ANKRD27: variants seen among roughly 807,000 people sequenced by gnomAD.
ANKRD27 encodes ankyrin repeat domain-containing protein 27.
Under a neutral mutation model 129.7 loss-of-function variants are expected in ANKRD27, and 112 were observed. The ratio of observed to expected loss-of-function variants is 0.86; its 90% CI spans 0.74 to 1.01. The LOEUF (loss-of-function observed/expected upper bound fraction) is 1.01. ANKRD27 is among the 50% of genes least tolerant of loss of function. ANKRD27 has a pLI of 0.00. For missense variants in ANKRD27, 1,258 were observed against 1,300.5 expected (o/e 0.97, Z 0.50); for synonymous variants, 516 against 511.2 (o/e 1.01, Z -0.13).
chr19:32,644,212 G>A, intron 5 of ANKRD27, 113 bp downstream of exon 5: 1 of 1,230,114 alleles, frequency 8.1e-7, no homozygotes, highest in Non-Finnish European at 1.1e-6. Flanking sequence ...ATTTTTAAAA[G>A]ACTTCAAACA....
chr19:32,658,806 G>T lies in ANKRD27; in HGVS notation c.102+108C>A. Reference sequence around the variant, plus strand: ...TCACAGACCAAGCACACTGCTGGGAGCTTGTTAAGCTGAGTTTATAACAAA... The same window carrying T: ...TCACAGACCAAGCACACTGCTGGGATCTTGTTAAGCTGAGTTTATAACAAA... On this transcript the variant is annotated intron_variant, in intron 2 of 28. Coordinates refer to ENST00000306065, the MANE Select transcript of ANKRD27 (RefSeq NM_032139.3). 2 of 956,798 alleles carry T rather than the reference G, an allele frequency of 2.1e-6. 1 individual carries two copies. The highest frequency in any genetic ancestry group is 3.8e-5 in the Admixed American group (2 of 52,102). The allele number at this position is 956,798 out of a possible 1,614,324, so 59.3% of individuals were successfully genotyped here.
intron 1 of ANKRD27, among the ~76,000 whole-genome samples, chr19:32,670,769 T>C (rs1568423479): frequency 1.3e-5 from 2 of 150,924 alleles, no homozygotes; most frequent in African/African-American, 2.4e-5. Context: ...CGAGGCGGGC[T>C]GATCACTTGA....
At chr19:32,668,021 G>A (rs1465465030) in intron 1 of ANKRD27, among the ~76,000 whole-genome samples, 1 of 152,098 alleles carries the variant, frequency 6.6e-6, no homozygotes, top group Non-Finnish European at 1.5e-5. Context: ...TGCTTCCTTG[G>A]GAAAACACTA....
intron 28 of ANKRD27, 42 bp downstream of exon 28, chr19:32,599,662 G>A (rs1265445609): frequency 1.3e-6 from 2 of 1,570,268 alleles, no homozygotes; most frequent in South Asian, 1.1e-5. Flanking sequence ...ACAAAGCCGG[G>A]CTTTAGAAAA....
intron 26 of ANKRD27, among the ~76,000 whole-genome samples, chr19:32,601,367 C>T (rs760287346): frequency 9.3e-5 from 14 of 151,042 alleles, no homozygotes; most frequent in African/African-American, 3.4e-4. Flanking sequence ...GAGGCCAAGG[C>T]GGGCAGATCA....
At chr19:32,665,289 ATTTTT>A (rs11324719) in intron 1 of ANKRD27, among the ~76,000 whole-genome samples, 1 of 129,692 alleles carries the variant, frequency 7.7e-6, no homozygotes, top group African/African-American at 2.8e-5. Flanking sequence ...AAATTCATGA[ATTTTT>A]TTTTTTTTTT....
intron 1 of ANKRD27, among the ~76,000 whole-genome samples, chr19:32,661,238 CA>C (rs1967639935): frequency 4.8e-5 from 6 of 125,134 alleles, no homozygotes; most frequent in Non-Finnish European, 8.3e-5. Context: ...CACACACACA[CA>C]CACACACACA....
intron 23 of ANKRD27, among the ~76,000 whole-genome samples, chr19:32,606,297 C>T (rs1254086921): frequency 1.3e-5 from 2 of 151,888 alleles, no homozygotes; most frequent in Non-Finnish European, 2.9e-5. Flanking sequence ...GGACTACAGG[C>T]GCCTGCCACC....
intron 3 of ANKRD27, among the ~76,000 whole-genome samples, chr19:32,648,378 G>A (rs972036539): frequency 2.0e-5 from 3 of 152,228 alleles, no homozygotes; most frequent in Non-Finnish European, 4.4e-5. Context: ...ATATGTTGGA[G>A]GACATTCTAT....
rs775018819 is a variant in ANKRD27, at chr19:32,617,619, CAA to C, written c.2020_2021del (p.Leu674GlufsTer5). 2 of 754,818 alleles carry C rather than the reference CAA, an allele frequency of 2.6e-6. No homozygotes were observed. Among genetic ancestry groups the C allele is most frequent in the South Asian group, 2.9e-5 (2 of 68,886 alleles). 46.8% of individuals were successfully genotyped at this position (754,818 alleles called of 1,614,324 possible). A position where few individuals can be genotyped will look rare whatever the true frequency, so the allele number is the denominator to read the frequency against. On this transcript the variant is annotated frameshift_variant, in exon 21 of 29. Coordinates refer to ENST00000306065, the MANE Select transcript of ANKRD27 (RefSeq NM_032139.3). LOFTEE classifies it high-confidence loss of function. ...CTAGATCTCCATCAGCAACTGCTCT[CAA>C]AAGTTTTTCTACCTTAATAAAAGGA... is the stretch of plus-strand genomic sequence containing the variant. ...KKDYREVEKL[L>X]RAVADGDLEM...
chr19:32,635,590 CCA>C (rs1568408871), intron 12 of ANKRD27, among the ~76,000 whole-genome samples: 2 of 152,112 alleles, frequency 1.3e-5, no homozygotes. Flanking sequence ...TAGGCATGAG[CCA>C]CTGCACCCAG....
At chr19:32,636,741 T>A (rs1559178) in intron 12 of ANKRD27, among the ~76,000 whole-genome samples, 44,228 of 109,214 alleles carry the variant, frequency 0.4, 7,267 homozygotes, top group African/African-American at 0.47. Context: ...ATATATATAT[T>A]TTTTATATAT....
intron 4 of ANKRD27, 34 bp downstream of exon 4, chr19:32,646,425 A>G (rs1213368954): frequency 6.3e-7 from 1 of 1,581,976 alleles, no homozygotes; most frequent in Non-Finnish European, 8.6e-7. Flanking sequence ...CATTTTTCTA[A>G]AACAGGAGAA....
rs1966941504 is a variant in ANKRD27, at chr19:32,628,971, A to G, written c.1210-122T>C. 1.9e-5 allele frequency: 21 copies of G among 1,091,920 alleles called. 1 individual carries two copies. The South Asian group carries it at 2.9e-4, about 15-fold the overall frequency. The allele number at this position is 1,091,920 out of a possible 1,614,324, so 67.6% of individuals were successfully genotyped here. A position where few individuals can be genotyped will look rare whatever the true frequency, so the allele number is the denominator to read the frequency against. Reference sequence around the variant, plus strand: ...AGTCTCGTCCTGTCGCCCAGGCTGGAGTGCAATGGTGTGATCTCAGCTCAC... The same window carrying G: ...AGTCTCGTCCTGTCGCCCAGGCTGGGGTGCAATGGTGTGATCTCAGCTCAC... On this transcript the variant is annotated intron_variant, in intron 13 of 28. Transcript: ENST00000306065.
At chr19:32,599,553 C>G (rs1329200825) in intron 28 of ANKRD27, 151 bp downstream of exon 28, 7 of 668,382 alleles carry the variant, frequency 1.0e-5, no homozygotes, top group Admixed American at 2.9e-5. Context: ...CTACACTGTC[C>G]CATGAAATAA....
At chr19:32,647,690 C>A (rs186060830) in intron 3 of ANKRD27, among the ~76,000 whole-genome samples, 2 of 152,308 alleles carry the variant, frequency 1.3e-5, no homozygotes, top group Admixed American at 6.5e-5. Context: ...CTGCTCACCC[C>A]AGCTGTCAGT....
At position 32,621,566 on chromosome 19, in the gene ANKRD27, T is replaced by C. The variant is rs558666615; in HGVS notation, c.1827+856A>G. 6.6e-5 allele frequency among the ~76,000 whole-genome samples: 10 copies of C among 152,126 alleles called. No homozygotes were observed. The East Asian group carries it at 1.9e-3, about 30-fold the overall frequency. On this transcript the variant is annotated intron_variant, in intron 18 of 28. Coordinates refer to ENST00000306065, the MANE Select transcript of ANKRD27 (RefSeq NM_032139.3). ...TCACTTGAACCTAGGAAGTGGAGGT[T>C]GCAGTGAGCCAAGATTGTGCCACTG...
chr19:32,641,264 C>G (rs921626205), intron 10 of ANKRD27, among the ~76,000 whole-genome samples: 1 of 151,914 alleles, frequency 6.6e-6, no homozygotes, highest in Non-Finnish European at 1.5e-5. Flanking sequence ...CTTGCCACCC[C>G]CTTGGACGCT....
chr19:32,604,347 G>A lies in ANKRD27; in HGVS notation c.2571C>T (p.Phe857=), dbSNP rs747317563. The A allele has an allele frequency of 8.1e-6, 13 of 1,613,784 alleles. No homozygotes were observed. The highest frequency in any genetic ancestry group is 5.3e-5 in the African/African-American group (4 of 74,936). Reference sequence around the variant, plus strand: ...CGTGGAGCAGAAGCAGCTCTACCACGAAGACGTGCTTTTCAATCACAGCCT... The same window carrying A: ...CGTGGAGCAGAAGCAGCTCTACCACAAAGACGTGCTTTTCAATCACAGCCT... ...LHEAVIEKHV[F]VVELLLLHGA... Residue 857 remains phenylalanine, a synonymous_variant, in exon 25 of 29, where the codon TTC becomes TTT. Transcript: ENST00000306065.
Sources: gnomAD v4.1 joint callset for allele counts (sites outside exome capture counted in the v4.1 genomes callset) on GRCh38, gnomAD v4.1.1 for gene constraint, MANE v1.5 for transcripts, NCBI Gene and HGNC (gene_info 2026-07-23, HGNC 2026-07-21) for gene names.